The following FAM161A variants were observed in gnomAD, a reference collection of about 807,000 sequenced individuals.
The protein encoded by FAM161A is protein FAM161A.
Under a neutral mutation model 70.9 loss-of-function variants are expected in FAM161A, and 57 were observed. The observed-to-expected ratio is 0.80, with a 90% confidence interval of 0.65 to 1.00. FAM161A has a LOEUF of 1.00. FAM161A is among the 50% of genes least tolerant of loss of function. FAM161A has a pLI of 0.00. For synonymous variants in FAM161A, 299 were observed against 295.7 expected (o/e 1.01, Z -0.12); for missense variants, 880 against 836.0 (o/e 1.05, Z -0.65).
intron 5 of FAM161A, among the ~76,000 whole-genome samples, chr2:61,831,293 C>A (rs1672567173): frequency 6.6e-6 from 1 of 150,914 alleles, no homozygotes; most frequent in Non-Finnish European, 1.5e-5. Flanking sequence ...TTTTTCTAGA[C>A]CTGTTGGAAC....
rs1672964817 is a variant in FAM161A, at chr2:61,840,247, C to T, written c.757G>A (p.Glu253Lys). 6.2e-7 allele frequency: 1 copy of T among 1,613,972 alleles called. No homozygotes were observed. Among genetic ancestry groups the T allele is most frequent in the African/African-American group, 1.3e-5 (1 of 75,012 alleles). Reference protein sequence around the residue: ...QMMIREQKKKEESMKSKSDIE... With the variant: ...QMMIREQKKKKESMKSKSDIE... ...TCTGATTTAGATTTCATGGACTCTT[C>T]TTTTTTCTTCTGTTCTCTTATCATC... Residue 253 changes from glutamate (E) to lysine (K), a missense_variant, in exon 3 of 7, where the codon GAA becomes AAA. Physicochemically the swap from Glu to Lys is moderately conservative, Grantham distance 56. Coordinates refer to ENST00000404929, the MANE Select transcript of FAM161A (RefSeq NM_001201543.2).
chr2:61,836,469 A>T (rs1311205120), intron 4 of FAM161A: 1 of 167,514 alleles, frequency 6.0e-6, no homozygotes, highest in South Asian at 1.6e-4. Flanking sequence ...TTATAAGTGT[A>T]TAAAACCAAG....
chr2:61,827,358 C>T (rs1372438027), intron 5 of FAM161A, 100 bp from the exon 6 acceptor site: 8 of 1,204,912 alleles, frequency 6.6e-6, no homozygotes, highest in Non-Finnish European at 9.6e-6. Flanking sequence ...CGCCTGTAAT[C>T]CCAGTGCTTT....
intron 2 of FAM161A, among the ~76,000 whole-genome samples, 165 bp from the exon 3 acceptor site, chr2:61,840,746 G>A (rs903444002): frequency 2.0e-5 from 3 of 152,064 alleles, no homozygotes; most frequent in African/African-American, 4.8e-5. Context: ...CACCTCCCAG[G>A]TTCAAGCAAT....
chr2:61,816,769 G>C, the FAM161A span, among the ~76,000 whole-genome samples: 19 of 152,272 alleles, frequency 1.2e-4, no homozygotes, highest in African/African-American at 4.6e-4. Context: ...CCTGGCCTGT[G>C]TGTACTTTAA....
At chr2:61,830,022 T>C (rs1160476730) in intron 5 of FAM161A, among the ~76,000 whole-genome samples, 1 of 152,134 alleles carries the variant, frequency 6.6e-6, no homozygotes, top group Non-Finnish European at 1.5e-5. Flanking sequence ...GTAACTCTGT[T>C]TATACTTTTT....
intron 1 of FAM161A, among the ~76,000 whole-genome samples, chr2:61,848,635 T>C (rs1487075341): frequency 2.7e-5 from 4 of 150,634 alleles, no homozygotes; most frequent in Non-Finnish European, 5.9e-5. Context: ...CTATGAAGAA[T>C]TATTTGTGCT....
chr2:61,823,641 C>G (rs1334882457), downstream of FAM161A, among the ~76,000 whole-genome samples: 9 of 152,022 alleles, frequency 5.9e-5, no homozygotes, highest in African/African-American at 2.2e-4. Flanking sequence ...GCTGAGATTA[C>G]AGGCATGAGC....
downstream of FAM161A, chr2:61,820,637 G>C (rs1672183864): frequency 5.2e-6 from 3 of 574,032 alleles, no homozygotes; most frequent in South Asian, 5.5e-5. Flanking sequence ...TATTCTTTTT[G>C]TATGTGTGAT....
At chr2:61,853,465 A>G (rs1465667643) in intron 1 of FAM161A, among the ~76,000 whole-genome samples, 1 of 152,208 alleles carries the variant, frequency 6.6e-6, no homozygotes, top group Non-Finnish European at 1.5e-5. Flanking sequence ...GCTTATAACC[A>G]AGATCTTAAG....
chr2:61,849,379 CT>C (rs1673417085), intron 1 of FAM161A, among the ~76,000 whole-genome samples: 1 of 151,160 alleles, frequency 6.6e-6, no homozygotes, highest in Non-Finnish European at 1.5e-5. Flanking sequence ...GTGGCATATA[CT>C]TCTAACCCGA....
At chr2:61,829,808 T>C (rs545058447) in intron 5 of FAM161A, among the ~76,000 whole-genome samples, 23 of 152,330 alleles carry the variant, frequency 1.5e-4, no homozygotes, top group African/African-American at 5.3e-4. Flanking sequence ...ACATAGTTTA[T>C]TCTGTAAAGA....
At chr2:61,812,763 A>G in the FAM161A span, among the ~76,000 whole-genome samples, 4 of 147,216 alleles carry the variant, frequency 2.7e-5, no homozygotes, top group Non-Finnish European at 6.0e-5. Context: ...AACAACAAAC[A>G]TTCCATACTT....
chr2:61,831,044 G>T (rs917935217), intron 5 of FAM161A, among the ~76,000 whole-genome samples: 1 of 149,442 alleles, frequency 6.7e-6, no homozygotes, highest in Admixed American at 6.7e-5. Flanking sequence ...CCCGGGAGGC[G>T]GAGGTTCCAG....
downstream of FAM161A, among the ~76,000 whole-genome samples, chr2:61,820,978 T>C (rs80103869): frequency 9.1e-4 from 138 of 152,330 alleles, 2 homozygotes; most frequent in East Asian, 0.025. Context: ...AGGCAGACTC[T>C]ATTAACATTT....
chr2:61,823,146 A>G (rs964757521), downstream of FAM161A, among the ~76,000 whole-genome samples: 2 of 151,064 alleles, frequency 1.3e-5, no homozygotes, highest in African/African-American at 4.9e-5. Flanking sequence ...CAGCCTGGCC[A>G]AGATGGTGAA....
chr2:61,820,519 T>C, downstream of FAM161A: 1 of 749,940 alleles, frequency 1.3e-6, no homozygotes, highest in Non-Finnish European at 2.4e-6. Context: ...GAAAAAGGTA[T>C]TTGTTGCTGG....
intron 5 of FAM161A, among the ~76,000 whole-genome samples, chr2:61,828,024 C>T (rs1017358794): frequency 5.3e-5 from 8 of 152,094 alleles, no homozygotes; most frequent in African/African-American, 1.9e-4. Context: ...ATGGGCAAAA[C>T]AACTATATTG....
At chr2:61,809,815 G>A in the FAM161A span, among the ~76,000 whole-genome samples, 2 of 152,042 alleles carry the variant, frequency 1.3e-5, no homozygotes, top group African/African-American at 2.4e-5. Flanking sequence ...ATGAAGCTTC[G>A]CAGCTTCCAC....
Sources: gnomAD v4.1 joint callset for allele counts (sites outside exome capture counted in the v4.1 genomes callset) on GRCh38, gnomAD v4.1.1 for gene constraint, MANE v1.5 for transcripts, NCBI Gene and HGNC (gene_info 2026-07-23, HGNC 2026-07-21) for gene names.